KCNK9: variants seen among roughly 807,000 people sequenced by gnomAD.
KCNK9 encodes the protein potassium channel subfamily K member 9.
Under a neutral mutation model 10.8 loss-of-function variants are expected in KCNK9, and 1 was observed. That is an observed-to-expected ratio of 0.09 (90% CI 0.03 to 0.44). KCNK9 has a LOEUF of 0.44. Ranked by LOEUF, KCNK9 falls within the 20% of genes least tolerant of loss-of-function variation. The pLI, the probability that KCNK9 is intolerant of heterozygous loss-of-function variation, is 0.97. For synonymous variants in KCNK9, 231 were observed against 222.7 expected, an observed-to-expected ratio of 1.04 and a Z score of -0.33; for missense variants, 303 against 515.0, an observed-to-expected ratio of 0.59 and a Z score of 3.98.
chr8:139,645,922 A>G (rs1361287867), intron 1 of KCNK9, among the ~76,000 whole-genome samples: 1 of 152,072 alleles, frequency 6.6e-6, no homozygotes, highest in East Asian at 1.9e-4. Context: ...AAGACTCTCC[A>G]ACACTATTGA....
downstream of KCNK9, among the ~76,000 whole-genome samples, chr8:139,609,252 C>CA (rs1361627367): frequency 8.9e-6 from 1 of 112,936 alleles, no homozygotes; most frequent in Non-Finnish European, 2.0e-5. Context: ...CCCCACCCCC[C>CA]CCCCACCTAC....
chr8:139,639,574 C>T (rs542533881), intron 1 of KCNK9, among the ~76,000 whole-genome samples: 16 of 152,322 alleles, frequency 1.1e-4, no homozygotes, highest in African/African-American at 3.6e-4. Flanking sequence ...GCCATGGCTC[C>T]CCAGCCCAGC....
chr8:139,654,030 C>A (rs1002538024), intron 1 of KCNK9, among the ~76,000 whole-genome samples: 4 of 152,226 alleles, frequency 2.6e-5, no homozygotes, highest in African/African-American at 4.8e-5. Flanking sequence ...AGTGGGTGTT[C>A]GGCCTGGACT....
chr8:139,618,576 G>T lies in KCNK9; in HGVS notation c.807C>A (p.Asn269Lys). ...EERASLAGNR[N>K]SMVIHIPEEP... is the part of the protein sequence containing the mutation. ...CCTCAGGGATGTGAATGACCATGCT[G>T]TTGCGGTTTCCGGCGAGGGATGCCC... The change falls in exon 2 of 2, where the codon AAC becomes AAA. Residue 269 changes from asparagine to lysine, a missense_variant. Transcript: ENST00000520439. This position sits in a 1 kb window ranked among gnomAD's most constrained non-coding sequence, Gnocchi z 7.9. The T allele has an allele frequency of 6.2e-7, 1 of 1,613,758 alleles. No homozygotes were observed. Among genetic ancestry groups the T allele is most frequent in the East Asian group, 2.2e-5 (1 of 44,878 alleles).
intron 1 of KCNK9, among the ~76,000 whole-genome samples, chr8:139,650,905 A>G (rs1250819315): frequency 6.6e-6 from 1 of 152,186 alleles, no homozygotes. Context: ...TGATGTTGCC[A>G]TGGTTCAGAA....
intron 1 of KCNK9, among the ~76,000 whole-genome samples, chr8:139,654,047 C>G (rs1455735969): frequency 6.6e-6 from 1 of 152,252 alleles, no homozygotes; most frequent in Non-Finnish European, 1.5e-5. Flanking sequence ...GACTCTGACC[C>G]CATCCCCTGC....
chr8:139,638,658 G>C (rs1486349885), intron 1 of KCNK9, among the ~76,000 whole-genome samples: 3 of 152,204 alleles, frequency 2.0e-5, no homozygotes, highest in Non-Finnish European at 4.4e-5. Context: ...GTCCCTACCA[G>C]CCTCCCTGGG....
chr8:139,619,275 A>C (rs1214405224), intron 1 of KCNK9, among the ~76,000 whole-genome samples, 176 bp from the exon 2 acceptor site: 2 of 151,912 alleles, frequency 1.3e-5, no homozygotes, highest in East Asian at 3.9e-4. Context: ...AGAACAAAGG[A>C]GAGCCACTTT....
intron 1 of KCNK9, among the ~76,000 whole-genome samples, chr8:139,651,646 C>T (rs1815868586): frequency 6.6e-6 from 1 of 152,098 alleles, no homozygotes; most frequent in African/African-American, 2.4e-5. Flanking sequence ...GGATGGAGGC[C>T]AAATTGGGCT....
chr8:139,661,953 T>A (rs2129707259), intron 1 of KCNK9, among the ~76,000 whole-genome samples: 1 of 152,312 alleles, frequency 6.6e-6, no homozygotes, highest in African/African-American at 2.4e-5. Flanking sequence ...TGGTCCACAG[T>A]CCACAGTGGA....
chr8:139,636,402 T>C (rs1815340529), intron 1 of KCNK9, among the ~76,000 whole-genome samples: 1 of 152,218 alleles, frequency 6.6e-6, no homozygotes, highest in Admixed American at 6.5e-5. Context: ...CCAGTCCCCA[T>C]ACCCCGGCCC....
At chr8:139,673,217 G>A (rs778067749) in intron 1 of KCNK9, among the ~76,000 whole-genome samples, 9 of 152,098 alleles carry the variant, frequency 5.9e-5, no homozygotes, top group Non-Finnish European at 1.3e-4. Flanking sequence ...AGGGCCGGGG[G>A]TGATGGCTAC....
At chr8:139,663,041 G>A (rs149187128) in intron 1 of KCNK9, among the ~76,000 whole-genome samples, 127 of 152,190 alleles carry the variant, frequency 8.3e-4, no homozygotes, top group Non-Finnish European at 1.5e-3. Flanking sequence ...CCCCAGTGCT[G>A]TTCTAAGCCC....
chr8:139,609,118 C>CCCACCCCGCA (rs1264371821), downstream of KCNK9, among the ~76,000 whole-genome samples: 1 of 150,064 alleles, frequency 6.7e-6, no homozygotes, highest in Admixed American at 6.6e-5. Flanking sequence ...CCCACCCCGC[C>CCCACCCCGCA]CCGCTCCGGG....
At chr8:139,644,684 A>C (rs4736288) in intron 1 of KCNK9, among the ~76,000 whole-genome samples, 22,151 of 151,414 alleles carry the variant, frequency 0.15, 3,588 homozygotes, top group African/African-American at 0.38. Context: ...ACCAGACCAG[A>C]CAGCCTGCTC....
intron 1 of KCNK9, among the ~76,000 whole-genome samples, chr8:139,654,751 G>C (rs997274824): frequency 2.0e-5 from 3 of 152,224 alleles, no homozygotes; most frequent in Non-Finnish European, 4.4e-5. Flanking sequence ...GCCTCTGGGT[G>C]GGGGAAGGCA....
intron 1 of KCNK9, among the ~76,000 whole-genome samples, chr8:139,694,170 G>T (rs533279053): frequency 3.2e-4 from 49 of 152,246 alleles, no homozygotes; most frequent in African/African-American, 1.2e-3. Flanking sequence ...GCAGAAAGGG[G>T]GTGGTGGGGA....
chr8:139,630,841 G>C (rs1815145519), intron 1 of KCNK9, among the ~76,000 whole-genome samples: 2 of 152,254 alleles, frequency 1.3e-5, no homozygotes, highest in Admixed American at 6.5e-5. Context: ...CAAAGGCTGG[G>C]AAACACAGAA....
chr8:139,672,023 G>C (rs749584719), intron 1 of KCNK9, among the ~76,000 whole-genome samples: 1 of 152,180 alleles, frequency 6.6e-6, no homozygotes, highest in Non-Finnish European at 1.5e-5. Flanking sequence ...ATGCAGCATC[G>C]GCTTGAGGCT....
Sources: gnomAD v4.1 joint callset for allele counts (sites outside exome capture counted in the v4.1 genomes callset) on GRCh38, gnomAD v4.1.1 for gene constraint, Gnocchi (gnomAD v3.1) non-coding constraint, MANE v1.5 for transcripts, NCBI Gene and HGNC (gene_info 2026-07-23, HGNC 2026-07-21) for gene names.